The following ATF6 variants were observed in gnomAD, a reference collection of about 807,000 sequenced individuals.
The protein encoded by ATF6 is cyclic AMP-dependent transcription factor ATF-6 alpha.
A neutral mutation model predicts 83.6 loss-of-function variants in ATF6; 53 were observed. The ratio of observed to expected loss-of-function variants is 0.63; its 90% CI spans 0.51 to 0.80. ATF6 has a LOEUF of 0.80. Among genes scored for constraint, ATF6 ranks in the 30% least tolerant of loss-of-function variants. The probability of loss-of-function intolerance (pLI) is 0.00; values close to 1 mark genes in which losing one functional copy is unlikely to be tolerated. For synonymous variants in ATF6, 288 were observed against 285.8 expected (o/e 1.01, Z -0.08); for missense variants, 744 against 797.9 (o/e 0.93, Z 0.81).
rs16852983 is a variant in ATF6, at chr1:161,841,246, C to T, written c.1188-5203C>T. Among the ~76,000 whole-genome samples the T allele has an allele frequency of 1.8e-3, 277 of 152,092 alleles. 8 individuals carry two copies. The East Asian group carries it at 0.039, about 22-fold the overall frequency. On this transcript the variant is annotated intron_variant, in intron 9 of 15. Coordinates refer to ENST00000367942, the MANE Select transcript of ATF6 (RefSeq NM_007348.4). ...CTAAAACAATCTTGAATTCTGGCAGCGAAATGAAGTTCTTACCTGTCTTTC... is the reference window on the plus strand; with the variant it reads ...CTAAAACAATCTTGAATTCTGGCAGTGAAATGAAGTTCTTACCTGTCTTTC...
chr1:161,896,396 C>T (rs1687678028), intron 14 of ATF6, among the ~76,000 whole-genome samples: 1 of 152,226 alleles, frequency 6.6e-6, no homozygotes, highest in Non-Finnish European at 1.5e-5. Context: ...CATGCCCAGC[C>T]TCCATATTGG....
intron 14 of ATF6, among the ~76,000 whole-genome samples, chr1:161,882,883 T>C (rs1687347688): frequency 1.3e-5 from 2 of 151,954 alleles, no homozygotes; most frequent in Admixed American, 6.6e-5. Flanking sequence ...GCTTAACACA[T>C]AATAGGTATT....
chr1:161,857,258 G>A (rs1178225389), intron 12 of ATF6, among the ~76,000 whole-genome samples: 1 of 151,710 alleles, frequency 6.6e-6, no homozygotes, highest in Non-Finnish European at 1.5e-5. Flanking sequence ...AAAATATTCT[G>A]TAATTTTAGT....
At chr1:161,831,961 AG>A (rs1686075442) in intron 9 of ATF6, among the ~76,000 whole-genome samples, 1 of 151,890 alleles carries the variant, frequency 6.6e-6, no homozygotes, top group South Asian at 2.1e-4. Flanking sequence ...AAAAAAAGAA[AG>A]AAAAATTTCC....
intron 15 of ATF6, among the ~76,000 whole-genome samples, chr1:161,929,024 A>T (rs1409449805): frequency 6.6e-6 from 1 of 152,232 alleles, no homozygotes; most frequent in Non-Finnish European, 1.5e-5. Context: ...GAAAACAGTC[A>T]ATGTAACTCC....
intron 14 of ATF6, among the ~76,000 whole-genome samples, chr1:161,870,145 C>G (rs1687090536): frequency 6.6e-6 from 1 of 151,516 alleles, no homozygotes; most frequent in Non-Finnish European, 1.5e-5. Flanking sequence ...ATTGAAAAAT[C>G]TGCTGGACAG....
At chr1:161,817,321 C>T (rs962965397) in intron 7 of ATF6, among the ~76,000 whole-genome samples, 1 of 152,196 alleles carries the variant, frequency 6.6e-6, no homozygotes, top group African/African-American at 2.4e-5. Flanking sequence ...GGAACTTTCA[C>T]TTTTATGTCC....
intron 6 of ATF6, among the ~76,000 whole-genome samples, chr1:161,792,622 G>C (rs748399071): frequency 1.1e-4 from 16 of 152,226 alleles, no homozygotes; most frequent in Non-Finnish European, 2.2e-4. Context: ...CTAGTTGAAG[G>C]CAGAGTTCAG....
intron 9 of ATF6, among the ~76,000 whole-genome samples, chr1:161,837,465 A>T (rs567541180): frequency 6.6e-6 from 1 of 152,316 alleles, no homozygotes; most frequent in African/African-American, 2.4e-5. Flanking sequence ...TGTTATGCAC[A>T]CTGTCAGTTT....
intron 6 of ATF6, among the ~76,000 whole-genome samples, chr1:161,795,773 C>A (rs1685003331): frequency 6.6e-6 from 1 of 152,200 alleles, no homozygotes; most frequent in Non-Finnish European, 1.5e-5. Context: ...TGTTCAGCTG[C>A]TATTTAAGGC....
intron 9 of ATF6, among the ~76,000 whole-genome samples, chr1:161,841,985 T>A (rs900411060): frequency 3.9e-5 from 6 of 152,210 alleles, no homozygotes; most frequent in Non-Finnish European, 8.8e-5. Flanking sequence ...TTACATAGTG[T>A]TAGTAAAATC....
chr1:161,834,866 C>T (rs1241942643), intron 9 of ATF6, among the ~76,000 whole-genome samples: 1 of 151,896 alleles, frequency 6.6e-6, no homozygotes, highest in Non-Finnish European at 1.5e-5. Context: ...TAGAATGTAA[C>T]ACAGGGAGAC....
intron 14 of ATF6, among the ~76,000 whole-genome samples, chr1:161,886,350 A>G (rs1687418165): frequency 6.6e-6 from 1 of 152,240 alleles, no homozygotes; most frequent in African/African-American, 2.4e-5. Flanking sequence ...TTTCTCCAGC[A>G]TTGACTTATG....
intron 4 of ATF6, among the ~76,000 whole-genome samples, chr1:161,786,839 A>C (rs1250628161): frequency 6.6e-6 from 1 of 152,218 alleles, no homozygotes; most frequent in East Asian, 1.9e-4. Context: ...GACATCCCAG[A>C]GGTGTCCTTT....
In ATF6 at chr1:161,893,321, C is replaced by T. The variant is rs368729563; in HGVS notation, c.1720-18975C>T. On this transcript the variant is annotated intron_variant, in intron 14 of 15. Transcript: ENST00000367942. ...AGCTGGGATTACAGGCATGTGACAC[C>T]ATGCCCAGCTAATTTTGTATTTTTA... Among the ~76,000 whole-genome samples the T allele has an allele frequency of 1.2e-4, 18 of 151,992 alleles. No individual in the cohort carries two copies. The South Asian group carries it at 3.8e-3, about 32-fold the overall frequency.
chr1:161,841,750 AG>A (rs1686363365), intron 9 of ATF6, among the ~76,000 whole-genome samples: 1 of 152,202 alleles, frequency 6.6e-6, no homozygotes, highest in Non-Finnish European at 1.5e-5. Context: ...GCTATGGTTA[AG>A]GGTATATTGT....
At chr1:161,938,485 C>G (rs1453387527) in intron 15 of ATF6, among the ~76,000 whole-genome samples, 2 of 152,116 alleles carry the variant, frequency 1.3e-5, no homozygotes, top group Non-Finnish European at 2.9e-5. Context: ...GTAAAGATTT[C>G]AAGGAAATGG....
Position 161,849,993 on chromosome 1 carries a change from T to C in ATF6, c.1320-1729T>C, listed in dbSNP as rs1215703115. 2.6e-5 allele frequency among the ~76,000 whole-genome samples: 4 copies of C among 152,194 alleles called. No homozygotes were observed. In the East Asian group the frequency reaches 5.8e-4, roughly 22 times the overall value. Reference sequence around the variant, plus strand: ...GTTGATACTCTTCCCCAAAATTGTCTTGAATTGGTCCACTCCTCTCCGTCT... The same window carrying C: ...GTTGATACTCTTCCCCAAAATTGTCCTGAATTGGTCCACTCCTCTCCGTCT... On this transcript the variant is annotated intron_variant, in intron 10 of 15. Transcript: ENST00000367942.
Position 161,797,447 on chromosome 1 carries a change from A to T in ATF6, c.689-4605A>T, listed in dbSNP as rs1425399200. Among the ~76,000 whole-genome samples the T allele has an allele frequency of 2.6e-5, 4 of 152,232 alleles. No individual in the cohort carries two copies. The East Asian group carries it at 7.7e-4, about 29-fold the overall frequency. ...CATAGTCTCAGCCCAAGACTCCTAG[A>T]TCTGATAAACAACTTCAGCAAAGTT... On this transcript the variant is annotated intron_variant, in intron 6 of 15. Coordinates refer to ENST00000367942, the MANE Select transcript of ATF6 (RefSeq NM_007348.4).
Sources: gnomAD v4.1 joint callset for allele counts (sites outside exome capture counted in the v4.1 genomes callset) on GRCh38, gnomAD v4.1.1 for gene constraint, MANE v1.5 for transcripts, NCBI Gene and HGNC (gene_info 2026-07-23, HGNC 2026-07-21) for gene names.